The following INPP5A variants were observed in gnomAD, a reference collection of about 807,000 sequenced individuals.
INPP5A encodes 43 kDa inositol polyphosphate 5-phophatase.
A neutral mutation model predicts 65.2 loss-of-function variants in INPP5A; 14 were observed. That is an observed-to-expected ratio of 0.21 (90% confidence interval 0.14 to 0.34). The LOEUF is 0.34. INPP5A is among the 10% of genes least tolerant of loss of function. The pLI is 1.00. For synonymous variants in INPP5A, 207 were observed against 208.3 expected (o/e 0.99, Z 0.05); for missense variants, 431 against 545.6 (o/e 0.79, Z 2.09).
At chr10:132,581,575 C>T (rs1260344244) in intron 1 of INPP5A, among the ~76,000 whole-genome samples, 1 of 152,154 alleles carries the variant, frequency 6.6e-6, no homozygotes, top group East Asian at 1.9e-4. Context: ...TCAGTTTTAG[C>T]TCTTCTGGCG....
Position 132,575,237 on chromosome 10 carries a change from C to T in INPP5A, c.76-32678C>T, listed in dbSNP as rs1163558732. 6.6e-6 allele frequency among the ~76,000 whole-genome samples: 1 copy of T among 152,202 alleles called. No homozygotes were observed. The highest frequency in any genetic ancestry group is 1.5e-5 in the Non-Finnish European group (1 of 68,034). ...CAACCCTGACCTGTGTGCTGAAGGGCGGCCGCCTGATGTCTGCCTGCTTTT... is the reference window on the plus strand; with the variant it reads ...CAACCCTGACCTGTGTGCTGAAGGGTGGCCGCCTGATGTCTGCCTGCTTTT... On this transcript the variant is annotated intron_variant, in intron 1 of 15. Coordinates refer to ENST00000368594, the MANE Select transcript of INPP5A (RefSeq NM_005539.5). This position sits in a 1 kb window ranked among gnomAD's most constrained non-coding sequence, Gnocchi z 5.4.
chr10:132,780,979 G>A (rs1208302272), intron 14 of INPP5A, 62 bp downstream of exon 14: 10 of 1,283,092 alleles, frequency 7.8e-6, no homozygotes, highest in East Asian at 2.4e-5. Flanking sequence ...GGGGGCCGGG[G>A]GGCTGGGGCC....
intron 12 of INPP5A, among the ~76,000 whole-genome samples, chr10:132,771,336 A>G (rs1846943186): frequency 6.6e-6 from 1 of 152,218 alleles, no homozygotes; most frequent in Admixed American, 6.5e-5. Flanking sequence ...CTTTTTGTTT[A>G]GTGCTGAGGG....
chr10:132,559,246 C>T (rs969010642), intron 1 of INPP5A, among the ~76,000 whole-genome samples: 10 of 152,226 alleles, frequency 6.6e-5, no homozygotes, highest in South Asian at 2.1e-4. Flanking sequence ...CCCCTCTCCC[C>T]GGCCCTGCTG....
At chr10:132,765,684 C>A in intron 11 of INPP5A, 89 bp from the exon 12 acceptor site, 1 of 791,704 alleles carries the variant, frequency 1.3e-6, no homozygotes, top group Non-Finnish European at 2.3e-6. Flanking sequence ...TCACACCGAG[C>A]ATTTGAGCGT....
chr10:132,580,413 G>A lies in INPP5A; in HGVS notation c.76-27502G>A, dbSNP rs576081220. On this transcript the variant is annotated intron_variant, in intron 1 of 15. Coordinates refer to ENST00000368594, the MANE Select transcript of INPP5A (RefSeq NM_005539.5). ...CGTGCTTTCTTCTTCTTCACCTTCC[G>A]CCATGATTGTAAGTTTTCTGAGGCC... is the stretch of plus-strand genomic sequence containing the variant. Among the ~76,000 whole-genome samples the A allele has an allele frequency of 2.0e-4, 31 of 152,196 alleles. No individual in the cohort carries two copies. In the East Asian group the frequency reaches 5.6e-3, roughly 27 times the overall value.
At chr10:132,666,774 T>C (rs1459345238) in intron 4 of INPP5A, among the ~76,000 whole-genome samples, 1 of 152,232 alleles carries the variant, frequency 6.6e-6, no homozygotes, top group African/African-American at 2.4e-5. Flanking sequence ...AGCTGTCCCC[T>C]TAAAGCGGCC....
intron 8 of INPP5A, among the ~76,000 whole-genome samples, chr10:132,711,714 C>T (rs1845640189): frequency 1.3e-5 from 2 of 152,238 alleles, no homozygotes; most frequent in African/African-American, 2.4e-5. Flanking sequence ...GGGGCCGGTT[C>T]TCTCCCACCC....
intron 2 of INPP5A, among the ~76,000 whole-genome samples, chr10:132,615,328 G>T (rs2072016715): frequency 6.6e-6 from 1 of 152,224 alleles, no homozygotes; most frequent in Admixed American, 6.5e-5. Context: ...TGCAACTGCT[G>T]GTTTTAGCCT....
chr10:132,680,242 G>A (rs895171752), intron 4 of INPP5A, among the ~76,000 whole-genome samples: 2 of 152,054 alleles, frequency 1.3e-5, no homozygotes, highest in South Asian at 2.1e-4. Context: ...AGAGAACTCC[G>A]AAAACTCAAC....
At chr10:132,672,365 A>C (rs992932385) in intron 4 of INPP5A, among the ~76,000 whole-genome samples, 2 of 152,152 alleles carry the variant, frequency 1.3e-5, no homozygotes, top group Non-Finnish European at 2.9e-5. Context: ...TCCCCACCCA[A>C]ATCTCATCTT....
At chr10:132,554,762 C>T (rs1000885041) in intron 1 of INPP5A, among the ~76,000 whole-genome samples, 3 of 83,622 alleles carry the variant, frequency 3.6e-5, no homozygotes, top group Admixed American at 2.3e-4. Flanking sequence ...TGGGTGGCGT[C>T]GTTGGCACTG....
chr10:132,761,338 G>T (rs1005475087), intron 11 of INPP5A, among the ~76,000 whole-genome samples: 1 of 152,248 alleles, frequency 6.6e-6, no homozygotes, highest in Non-Finnish European at 1.5e-5. Flanking sequence ...GCAGTGCACT[G>T]TGGGGGCATG....
At chr10:132,657,019 G>A (rs1317433686) in intron 4 of INPP5A, among the ~76,000 whole-genome samples, 13 of 152,232 alleles carry the variant, frequency 8.5e-5, no homozygotes, top group Non-Finnish European at 1.2e-4. Context: ...AAGCCGAGGC[G>A]TTGAGGAAGA....
intron 2 of INPP5A, among the ~76,000 whole-genome samples, chr10:132,621,357 A>G (rs918064457): frequency 2.6e-5 from 4 of 152,224 alleles, no homozygotes; most frequent in Non-Finnish European, 5.9e-5. Context: ...GCCAAGGTTA[A>G]GAATACTCCT....
rs576661736 is a variant in INPP5A at position 132,773,049 on chromosome 10, G to A, written c.978-4622G>A. On this transcript the variant is annotated intron_variant, in intron 12 of 15. Transcript: ENST00000368594. The stretch of plus-strand genomic sequence containing the variant: ...GACTCCACAGGGTGCTGTTACTGCA[G>A]GCGGGGAATCACCTCCCACCGCCCT... 3.4e-4 allele frequency among the ~76,000 whole-genome samples: 52 copies of A among 152,382 alleles called. No individual in the cohort carries two copies. In the Middle Eastern group the frequency reaches 0.01, roughly 30 times the overall value.
chr10:132,595,985 A>G (rs2071682050), intron 1 of INPP5A, among the ~76,000 whole-genome samples: 1 of 152,178 alleles, frequency 6.6e-6, no homozygotes, highest in Non-Finnish European at 1.5e-5. Flanking sequence ...AGAGAAAAAG[A>G]AGGCATGTGC....
At chr10:132,626,107 C>T (rs1385155705) in intron 2 of INPP5A, among the ~76,000 whole-genome samples, 3 of 152,198 alleles carry the variant, frequency 2.0e-5, no homozygotes, top group Non-Finnish European at 2.9e-5. Context: ...ACCCAGGGAA[C>T]GTGGCGGCAC....
chr10:132,755,253 G>T lies in INPP5A; in HGVS notation c.903+5408G>T, dbSNP rs114816819. Among the ~76,000 whole-genome samples, 418 of 151,534 alleles carry T rather than the reference G, an allele frequency of 2.8e-3. 6 individuals carry two copies. Among genetic ancestry groups the T allele is most frequent in the African/African-American group, 8.5e-3 (353 of 41,308 alleles). On this transcript the variant is annotated intron_variant, in intron 11 of 15. Transcript: ENST00000368594. ...GGCGTGTACATGCATGAGCAGGTGTGAGCAGGTGTGTGCATGTGAGCCTTC... is the reference window on the plus strand; with the variant it reads ...GGCGTGTACATGCATGAGCAGGTGTTAGCAGGTGTGTGCATGTGAGCCTTC...
Sources: gnomAD v4.1 joint callset for allele counts (sites outside exome capture counted in the v4.1 genomes callset) on GRCh38, gnomAD v4.1.1 for gene constraint, Gnocchi (gnomAD v3.1) non-coding constraint, MANE v1.5 for transcripts, NCBI Gene and HGNC (gene_info 2026-07-23, HGNC 2026-07-21) for gene names.